SLC1A4: variants seen among roughly 807,000 people sequenced by gnomAD.
SLC1A4 encodes the protein solute carrier family 1 member 4, also known as neutral amino acid transporter A.
SLC1A4 carries 19 observed loss-of-function variants against 37.7 expected under a neutral mutation model. The observed-to-expected ratio is 0.50, with a 90% CI of 0.35 to 0.74. SLC1A4 has a LOEUF of 0.74. Among genes scored for constraint, SLC1A4 ranks in the 30% least tolerant of loss-of-function variants. The probability of loss-of-function intolerance (pLI) is 0.01; values close to 1 mark genes in which losing one functional copy is unlikely to be tolerated. For missense variants in SLC1A4, 570 were observed against 712.9 expected (o/e 0.80, Z 2.28); for synonymous variants, 299 against 309.8 (o/e 0.97, Z 0.37).
At chr2:65,011,738 T>C (rs1037114986) in intron 4 of SLC1A4, among the ~76,000 whole-genome samples, 3 of 152,198 alleles carry the variant, frequency 2.0e-5, no homozygotes, top group Admixed American at 2.0e-4. Context: ...TTTATCCTGC[T>C]GTTTTACCCA....
chr2:65,013,918 T>G (rs997581384), intron 4 of SLC1A4, among the ~76,000 whole-genome samples: 1 of 152,214 alleles, frequency 6.6e-6, no homozygotes, highest in Non-Finnish European at 1.5e-5. Flanking sequence ...AGGAGAAAAG[T>G]ACCTATTCAC....
At chr2:65,007,238 T>TA (rs1673710944) in intron 3 of SLC1A4, among the ~76,000 whole-genome samples, 1 of 151,260 alleles carries the variant, frequency 6.6e-6, no homozygotes, top group Admixed American at 6.6e-5. Flanking sequence ...AGAAGAACAT[T>TA]AAAGCAGGGC....
chr2:65,008,502 A>T (rs1673775700), intron 3 of SLC1A4, among the ~76,000 whole-genome samples: 1 of 152,198 alleles, frequency 6.6e-6, no homozygotes, highest in South Asian at 2.1e-4. Flanking sequence ...CTAGCCTGGC[A>T]TGGTGGCACA....
chr2:64,989,215 C>T (rs1672933055), upstream of SLC1A4, among the ~76,000 whole-genome samples: 1 of 151,640 alleles, frequency 6.6e-6, no homozygotes, highest in Non-Finnish European at 1.5e-5. Context: ...CCGCCCCCTG[C>T]GGCACCCGCG....
At chr2:65,012,788 C>T (rs919666019) in intron 4 of SLC1A4, among the ~76,000 whole-genome samples, 5 of 152,184 alleles carry the variant, frequency 3.3e-5, no homozygotes, top group Non-Finnish European at 7.3e-5. Flanking sequence ...CCTGTAATCC[C>T]GGCACTTTGG....
intron 2 of SLC1A4, among the ~76,000 whole-genome samples, chr2:65,003,670 C>T (rs1408343556): frequency 6.6e-6 from 1 of 152,164 alleles, no homozygotes; most frequent in Non-Finnish European, 1.5e-5. Flanking sequence ...ATTGTGCAGC[C>T]GTCCTTCTCC....
At chr2:65,002,953 G>T (rs1673535466) in intron 2 of SLC1A4, among the ~76,000 whole-genome samples, 1 of 152,080 alleles carries the variant, frequency 6.6e-6, no homozygotes, top group South Asian at 2.1e-4. Context: ...TTTTTACAAT[G>T]AAAGACTTTT....
chr2:64,989,104 G>A (rs574015799), upstream of SLC1A4, among the ~76,000 whole-genome samples: 203 of 152,192 alleles, frequency 1.3e-3, no homozygotes, highest in Middle Eastern at 0.014. Context: ...GCGGTCGCCC[G>A]GAGCCGGCCT....
In SLC1A4 at chr2:65,004,111, A is replaced by G. The variant is rs11891502; in HGVS notation, c.633+96A>G. The G allele has an allele frequency of 0.11, 117,358 of 1,047,568 alleles. 7,264 individuals are homozygous for G. The highest frequency in any genetic ancestry group is 0.13 in the Non-Finnish European group (90,698 of 687,398). The allele number at this position is 1,047,568 out of a possible 1,614,324, so 64.9% of individuals were successfully genotyped here. On this transcript the variant is annotated intron_variant, in intron 3 of 7. Coordinates refer to ENST00000234256, the MANE Select transcript of SLC1A4 (RefSeq NM_003038.5). ...TACAGGACGTGGGCTGAAAACTTTG[A>G]GGTTTGAATGGGCTATTGGAGCGAA...
rs889379026 is a variant in SLC1A4 at position 65,021,730 on chromosome 2, T to G, written c.*584T>G. ...CTGCAGGTGCCGCACATTGTCAAGT[T>G]AGAAATACTCCAGGTGGGTGTTAGC... is the stretch of plus-strand genomic sequence containing the variant. On this transcript the variant is annotated 3_prime_UTR_variant, in exon 8 of 8. Coordinates refer to ENST00000234256, the MANE Select transcript of SLC1A4 (RefSeq NM_003038.5). 1 of 153,188 alleles carries G rather than the reference T, an allele frequency of 6.5e-6. No homozygotes were observed. Among genetic ancestry groups the G allele is most frequent in the African/African-American group, 2.4e-5 (1 of 41,452 alleles). 9.5% of individuals were successfully genotyped at this position (153,188 alleles called of 1,614,324 possible).
intron 1 of SLC1A4, chr2:64,994,778 G>A (rs1250896650): frequency 6.6e-6 from 1 of 151,710 alleles, no homozygotes; most frequent in African/African-American, 2.4e-5. Flanking sequence ...TACTAAAACT[G>A]GAACAATAGA....
intron 3 of SLC1A4, among the ~76,000 whole-genome samples, chr2:65,005,446 C>T (rs1003098124): frequency 2.6e-5 from 4 of 152,220 alleles, no homozygotes; most frequent in African/African-American, 7.2e-5. Flanking sequence ...CGTGGCTGGA[C>T]GTCCAACTGG....
In SLC1A4 at chr2:65,018,373, A is replaced by G. The variant is rs1223192504; in HGVS notation, c.1229+108A>G. 1 of 1,381,138 alleles carries G rather than the reference A, an allele frequency of 7.2e-7. No homozygotes were observed. The allele number at this position is 1,381,138 out of a possible 1,614,324, so 85.6% of individuals were successfully genotyped here. Reference sequence around the variant, plus strand: ...GGTGTCTCGCTCATAAAATGAGGACAGTGGGGATTCATTACTTGAAGAGCG... The same window carrying G: ...GGTGTCTCGCTCATAAAATGAGGACGGTGGGGATTCATTACTTGAAGAGCG... On this transcript the variant is annotated intron_variant, in intron 6 of 7. Coordinates refer to ENST00000234256, the MANE Select transcript of SLC1A4 (RefSeq NM_003038.5). This position sits in a 1 kb window ranked among gnomAD's most constrained non-coding sequence, Gnocchi z 4.3.
chr2:64,989,167 C>T (rs1484337644), upstream of SLC1A4, among the ~76,000 whole-genome samples: 1 of 151,606 alleles, frequency 6.6e-6, no homozygotes, highest in Non-Finnish European at 1.5e-5. Flanking sequence ...CCGGCGCCGC[C>T]CGCGCCCCCG....
chr2:64,990,829 T>G (rs1673021522), intron 1 of SLC1A4, among the ~76,000 whole-genome samples: 1 of 152,224 alleles, frequency 6.6e-6, no homozygotes, highest in African/African-American at 2.4e-5. Flanking sequence ...GGCCTTTCTT[T>G]GTGCGAAAGT....
intron 5 of SLC1A4, among the ~76,000 whole-genome samples, chr2:65,017,307 T>G (rs1310557360): frequency 6.6e-6 from 1 of 151,868 alleles, no homozygotes; most frequent in South Asian, 2.1e-4. Flanking sequence ...ATTGTCTCAT[T>G]TGGCACAAGA....
At chr2:65,007,346 A>AG (rs1349677387) in intron 3 of SLC1A4, among the ~76,000 whole-genome samples, 3 of 152,016 alleles carry the variant, frequency 2.0e-5, no homozygotes, top group Non-Finnish European at 4.4e-5. Context: ...TGATCAGGTG[A>AG]GGGAGGAGCT....
At chr2:65,006,036 G>A (rs1200929335) in intron 3 of SLC1A4, among the ~76,000 whole-genome samples, 4 of 151,780 alleles carry the variant, frequency 2.6e-5, no homozygotes, top group Admixed American at 6.6e-5. Context: ...AGAGTGATGA[G>A]TAAATGCTAG....
At chr2:64,988,501 G>A (rs1672891374), upstream of SLC1A4, 1 of 152,378 alleles carries the variant, frequency 6.6e-6, no homozygotes, top group Non-Finnish European at 1.5e-5. Flanking sequence ...GCTGCCTGGC[G>A]GGCGACCCAG....
Sources: gnomAD v4.1 joint callset for allele counts (sites outside exome capture counted in the v4.1 genomes callset) on GRCh38, gnomAD v4.1.1 for gene constraint, Gnocchi (gnomAD v3.1) non-coding constraint, MANE v1.5 for transcripts, NCBI Gene and HGNC (gene_info 2026-07-23, HGNC 2026-07-21) for gene names.